The following PAK5 variants were observed in gnomAD, a reference collection of about 807,000 sequenced individuals.
PAK5 encodes p21 (RAC1) activated kinase 5.
In PAK5, 16 loss-of-function variants were observed where a neutral mutation model predicts 65.9. That is an observed-to-expected ratio of 0.24 (90% CI 0.16 to 0.37). The LOEUF is 0.37. Among genes scored for constraint, PAK5 ranks in the 10% least tolerant of loss-of-function variants. The probability of loss-of-function intolerance (pLI) is 1.00; values close to 1 mark genes in which losing one functional copy is unlikely to be tolerated. For synonymous variants in PAK5, 371 were observed against 354.9 expected, an observed-to-expected ratio of 1.05 and a Z score of -0.51; for missense variants, 785 against 903.9, an observed-to-expected ratio of 0.87 and a Z score of 1.69.
intron 4 of PAK5, among the ~76,000 whole-genome samples, chr20:9,571,879 G>GA (rs1287891972): frequency 6.9e-6 from 1 of 144,444 alleles, no homozygotes; most frequent in African/African-American, 2.6e-5. Flanking sequence ...AATGATGGGG[G>GA]GGGGGGATGT....
chr20:9,628,371 T>C (rs1333863747), intron 3 of PAK5, among the ~76,000 whole-genome samples: 1 of 152,224 alleles, frequency 6.6e-6, no homozygotes, highest in Non-Finnish European at 1.5e-5. Flanking sequence ...ACATTGTCAC[T>C]GCCTCTTTGT....
At position 9,766,475 on chromosome 20, in the gene PAK5, G is replaced by A. The variant is rs545691663; in HGVS notation, c.-161-55040C>T. Among the ~76,000 whole-genome samples the A allele has an allele frequency of 5.1e-4, 18 of 35,328 alleles. 1 individual carries two copies. Among genetic ancestry groups the A allele is most frequent in the African/African-American group, 1.2e-3 (6 of 4,802 alleles). The allele number at this position is 35,328 out of a possible 152,430, so 23.2% of individuals were successfully genotyped here. ...ATATATATTCAAGCAGAATATATAT[G>A]TATATATATATTCAAGCAGAATATA... On this transcript the variant is annotated intron_variant, in intron 1 of 9. Transcript: ENST00000353224.
intron 2 of PAK5, among the ~76,000 whole-genome samples, chr20:9,669,240 GA>G (rs1203954562): frequency 6.6e-6 from 1 of 151,950 alleles, no homozygotes; most frequent in Non-Finnish European, 1.5e-5. Context: ...GTGTATTTAG[GA>G]TGGTTTCTCT....
At position 9,585,192 on chromosome 20, in the gene PAK5, C is replaced by T. The variant is rs146599210; in HGVS notation, c.205-4262G>A. 3.1e-3 allele frequency among the ~76,000 whole-genome samples: 476 copies of T among 152,188 alleles called. 1 individual carries two copies. Among genetic ancestry groups the T allele is most frequent in the African/African-American group, 0.011 (454 of 41,514 alleles). On this transcript the variant is annotated intron_variant, in intron 3 of 9. Coordinates refer to ENST00000353224, the MANE Select transcript of PAK5 (RefSeq NM_177990.4). ...ACAATATTCCAATTATTCTTTCTTG[C>T]CTGCCCCCCATGCCTTCCCATCTCT...
In PAK5 at chr20:9,751,769, T is replaced by C. The variant is rs1029037035; in HGVS notation, c.-161-40334A>G. Among the ~76,000 whole-genome samples the C allele has an allele frequency of 1.6e-4, 25 of 152,158 alleles. 1 individual carries two copies. The highest frequency in any genetic ancestry group is 5.9e-5 in the Non-Finnish European group (4 of 68,012). On this transcript the variant is annotated intron_variant, in intron 1 of 9. Transcript: ENST00000353224. ...CATTTGTCATGATTAATACTTATGA[T>C]GTGTAACTGGGTATGTTGCTATGAA...
chr20:9,838,191 ACACACACACGCGCG>A lies in PAK5; in HGVS notation c.-162+557_-162+570del, dbSNP rs1235101674. On this transcript the variant is annotated intron_variant, in intron 1 of 9. Transcript: ENST00000353224. This position sits in a 1 kb window ranked among gnomAD's most constrained non-coding sequence, Gnocchi z 4.5. ...ATTACAACCCACCAGGCGCGCGCGC[ACACACACACGCGCG>A]CACACACACACACACACAAATAACA... 1.1e-3 allele frequency among the ~76,000 whole-genome samples: 142 copies of A among 127,604 alleles called. No homozygotes were observed. Among genetic ancestry groups the A allele is most frequent in the African/African-American group, 4.3e-3 (129 of 29,840 alleles). The allele number at this position is 127,604 out of a possible 152,430, so 83.7% of individuals were successfully genotyped here.
chr20:9,614,403 G>A (rs867731594), intron 3 of PAK5, among the ~76,000 whole-genome samples: 4 of 152,292 alleles, frequency 2.6e-5, no homozygotes, highest in Middle Eastern at 3.4e-3. Context: ...GGAGAAGACA[G>A]AGAGAAAGGA....
chr20:9,736,740 G>A (rs1174780659), intron 1 of PAK5, among the ~76,000 whole-genome samples: 3 of 152,250 alleles, frequency 2.0e-5, no homozygotes, highest in East Asian at 1.9e-4. Flanking sequence ...TTTAAGTTTC[G>A]CTTATGTGGC....
At chr20:9,717,281 ACTAGCTGCAC>A (rs2048159526) in intron 1 of PAK5, among the ~76,000 whole-genome samples, 1 of 152,168 alleles carries the variant, frequency 6.6e-6, no homozygotes, top group Non-Finnish European at 1.5e-5. Context: ...TCCACCTTTT[ACTAGCTGCAC>A]GATTTGAGGC....
chr20:9,702,120 G>T (rs1281554944), intron 2 of PAK5, among the ~76,000 whole-genome samples: 1 of 152,220 alleles, frequency 6.6e-6, no homozygotes, highest in South Asian at 2.1e-4. Flanking sequence ...CCAGAGAAAT[G>T]ATTTAGGAAT....
chr20:9,612,563 T>C (rs2046582213), intron 3 of PAK5, among the ~76,000 whole-genome samples: 1 of 152,062 alleles, frequency 6.6e-6, no homozygotes. Flanking sequence ...AACCAGATCT[T>C]GCAAGAACTC....
chr20:9,585,874 T>TA (rs1188297981), intron 3 of PAK5, among the ~76,000 whole-genome samples: 6 of 152,134 alleles, frequency 3.9e-5, no homozygotes, highest in African/African-American at 1.4e-4. Context: ...GAAGATTATT[T>TA]AAAAAATGAT....
chr20:9,569,450 C>A (rs1332479365), intron 4 of PAK5, among the ~76,000 whole-genome samples: 1 of 152,094 alleles, frequency 6.6e-6, no homozygotes, highest in African/African-American at 2.4e-5. Context: ...GTCTAGATAC[C>A]AGAAAGAGCA....
chr20:9,692,288 G>T (rs906656976), intron 2 of PAK5, among the ~76,000 whole-genome samples: 3 of 152,166 alleles, frequency 2.0e-5, no homozygotes, highest in Admixed American at 1.3e-4. Flanking sequence ...GAAGGTTAAA[G>T]ATGGCTTTTG....
In PAK5 at chr20:9,682,086, G is replaced by A. The variant is rs541200612; in HGVS notation, c.-12+29200C>T. 1.6e-4 allele frequency among the ~76,000 whole-genome samples: 24 copies of A among 152,274 alleles called. 1 individual carries two copies. The highest frequency in any genetic ancestry group is 3.4e-4 in the African/African-American group (14 of 41,554). On this transcript the variant is annotated intron_variant, in intron 2 of 9. Transcript: ENST00000353224. ...AAAGCTACTAGGGCGGGCTGGGCGC[G>A]GTGGCTCATGCCTGTAATCCCAGCA...
At chr20:9,720,794 T>A (rs2423436) in intron 1 of PAK5, among the ~76,000 whole-genome samples, 10,969 of 152,170 alleles carry the variant, frequency 0.072, 554 homozygotes, top group East Asian at 0.18. Context: ...AAAGTACTCA[T>A]ACATGCTAGT....
chr20:9,784,877 A>C (rs2048976702), intron 1 of PAK5, among the ~76,000 whole-genome samples: 1 of 152,132 alleles, frequency 6.6e-6, no homozygotes, highest in Non-Finnish European at 1.5e-5. Context: ...CTAAGCTCTT[A>C]CTCTTTGCAG....
chr20:9,764,674 A>C (rs2123656989), intron 1 of PAK5, among the ~76,000 whole-genome samples: 1 of 152,320 alleles, frequency 6.6e-6, no homozygotes, highest in African/African-American at 2.4e-5. Flanking sequence ...ATATATAGAA[A>C]AGAGTCTTCA....
At chr20:9,775,456 T>A (rs1352832676) in intron 1 of PAK5, among the ~76,000 whole-genome samples, 1 of 152,212 alleles carries the variant, frequency 6.6e-6, no homozygotes, top group African/African-American at 2.4e-5. Flanking sequence ...CTGTCTGCTG[T>A]CATTTTCCAC....
Sources: allele counts gnomAD v4.1 joint callset (sites outside exome capture counted in the v4.1 genomes callset), GRCh38; gene constraint gnomAD v4.1.1; non-coding constraint Gnocchi (gnomAD v3.1); transcripts MANE v1.5; gene names NCBI Gene and HGNC (gene_info 2026-07-23, HGNC 2026-07-21).